The following ATP10B variants were observed in gnomAD, a reference collection of about 807,000 sequenced individuals.
ATP10B encodes the protein phospholipid-transporting ATPase VB.
ATP10B carries 122 observed loss-of-function variants against 141.2 expected under a neutral mutation model. That is an observed-to-expected ratio of 0.86 (90% confidence interval 0.75 to 1.00). ATP10B has a LOEUF of 1.00. Among genes scored for constraint, ATP10B ranks in the 50% least tolerant of loss-of-function variants. The probability of loss-of-function intolerance (pLI) is 0.00; values close to 1 mark genes in which losing one functional copy is unlikely to be tolerated. For missense variants in ATP10B, 1,876 were observed against 1,825.3 expected, an observed-to-expected ratio of 1.03 and a Z score of -0.51; for synonymous variants, 685 against 692.0, an observed-to-expected ratio of 0.99 and a Z score of 0.16.
chr5:160,621,133 G>A (rs527725136), intron 14 of ATP10B, among the ~76,000 whole-genome samples, 183 bp from the exon 15 acceptor site: 10 of 152,296 alleles, frequency 6.6e-5, no homozygotes, highest in Non-Finnish European at 7.4e-5. Flanking sequence ...CACTGTGAGC[G>A]TGGAGAAAGG....
chr5:160,739,409 A>C (rs1208875838), intron 2 of ATP10B, among the ~76,000 whole-genome samples: 4 of 152,254 alleles, frequency 2.6e-5, no homozygotes, highest in African/African-American at 4.8e-5. Flanking sequence ...ATACAACATG[A>C]TAACATATGC....
intron 9 of ATP10B, 64 bp from the exon 10 acceptor site, chr5:160,640,656 C>A (rs1329264236): frequency 6.4e-7 from 1 of 1,566,086 alleles, no homozygotes; most frequent in African/African-American, 1.4e-5. Context: ...ACACCATTCC[C>A]TCAGCTCTTC....
intron 2 of ATP10B, among the ~76,000 whole-genome samples, chr5:160,753,217 C>G (rs942236258): frequency 1.1e-4 from 17 of 152,154 alleles, no homozygotes; most frequent in African/African-American, 4.1e-4. Flanking sequence ...AGTGAGGAAA[C>G]GTCGTTCCTC....
At chr5:160,909,332 C>G in the ATP10B span, among the ~76,000 whole-genome samples, 2 of 152,150 alleles carry the variant, frequency 1.3e-5, no homozygotes, top group African/African-American at 4.8e-5. Context: ...ACAGGACATG[C>G]AGCTGCTGGT....
chr5:160,849,533 T>A (rs1753664893), intron 1 of ATP10B, among the ~76,000 whole-genome samples: 1 of 152,040 alleles, frequency 6.6e-6, no homozygotes, highest in Non-Finnish European at 1.5e-5. Flanking sequence ...TATCCATTAA[T>A]ATTCTTTCTC....
intron 6 of ATP10B, chr5:160,685,043 CA>C (rs1763664920): frequency 1.4e-6 from 1 of 703,396 alleles, no homozygotes; most frequent in Non-Finnish European, 2.6e-6. Context: ...TGTAGCTGCT[CA>C]AAAATGTTTT....
At chr5:160,814,676 A>G (rs1773459528) in intron 1 of ATP10B, among the ~76,000 whole-genome samples, 1 of 152,194 alleles carries the variant, frequency 6.6e-6, no homozygotes, top group African/African-American at 2.4e-5. Context: ...TCCAAGACAC[A>G]TAATTGTCAG....
chr5:160,697,650 T>A (rs575287458), intron 3 of ATP10B, among the ~76,000 whole-genome samples: 102 of 151,828 alleles, frequency 6.7e-4, no homozygotes, highest in Admixed American at 1.3e-3. Flanking sequence ...TGGGGACTAG[T>A]GGAAAAGAGA....
chr5:160,823,936 A>T (rs1004570282), intron 1 of ATP10B, among the ~76,000 whole-genome samples: 1 of 152,224 alleles, frequency 6.6e-6, no homozygotes, highest in Non-Finnish European at 1.5e-5. Flanking sequence ...CCAAAACCCC[A>T]ATAAGTGTTT....
At chr5:160,615,662 TGTGTG>T (rs1166773545) in intron 17 of ATP10B, among the ~76,000 whole-genome samples, 171 bp downstream of exon 17, 1 of 152,008 alleles carries the variant, frequency 6.6e-6, no homozygotes, top group Non-Finnish European at 1.5e-5. Context: ...CAGGAAGCTG[TGTGTG>T]GTGTCTGGGT....
At chr5:160,761,679 G>A (rs184160778) in intron 2 of ATP10B, among the ~76,000 whole-genome samples, 10 of 152,226 alleles carry the variant, frequency 6.6e-5, no homozygotes, top group Admixed American at 2.0e-4. Flanking sequence ...ACAAGTTTCC[G>A]TAACACTCCT....
the ATP10B span, among the ~76,000 whole-genome samples, chr5:160,925,321 T>C: frequency 6.6e-6 from 1 of 152,206 alleles, no homozygotes; most frequent in South Asian, 2.1e-4. Context: ...CTTTTGAAGT[T>C]CATTATGGAC....
intron 1 of ATP10B, among the ~76,000 whole-genome samples, chr5:160,809,331 G>C (rs908390013): frequency 2.6e-5 from 4 of 152,104 alleles, no homozygotes; most frequent in Non-Finnish European, 5.9e-5. Context: ...GATGGTTTTT[G>C]TTATCATTTT....
At chr5:160,904,252 A>G in the ATP10B span, among the ~76,000 whole-genome samples, 1 of 152,140 alleles carries the variant, frequency 6.6e-6, no homozygotes, top group Non-Finnish European at 1.5e-5. Flanking sequence ...TCAGAGTCAG[A>G]CTGCCAGGGT....
chr5:160,747,317 G>A lies in ATP10B; in HGVS notation c.-330-30283C>T, dbSNP rs1335532610. The stretch of plus-strand genomic sequence containing the variant: ...TTCAAGCTTCCCAGGGCCTTCTACA[G>A]TGATGTACTGAATTAACCAGATAGC... On this transcript the variant is annotated intron_variant, in intron 2 of 25. Transcript: ENST00000327245. Among the ~76,000 whole-genome samples, 5 of 152,180 alleles carry A rather than the reference G, an allele frequency of 3.3e-5. No homozygotes were observed. In the East Asian group the frequency reaches 9.6e-4, roughly 29 times the overall value.
chr5:160,901,901 T>C, the ATP10B span, among the ~76,000 whole-genome samples: 1 of 152,250 alleles, frequency 6.6e-6, no homozygotes, highest in East Asian at 1.9e-4. Context: ...TTACTTAACC[T>C]CCCTAGTGAC....
intron 24 of ATP10B, among the ~76,000 whole-genome samples, chr5:160,585,376 G>A (rs1005250901): frequency 3.3e-5 from 5 of 152,140 alleles, no homozygotes; most frequent in Non-Finnish European, 7.3e-5. Context: ...AGGCTGAGAC[G>A]GGCGGATCAC....
chr5:160,886,595 A>T, the ATP10B span, among the ~76,000 whole-genome samples: 85 of 152,324 alleles, frequency 5.6e-4, no homozygotes, highest in South Asian at 0.017. Flanking sequence ...TGGAGTGATG[A>T]CACTATCAAG....
At chr5:160,816,166 G>A (rs1319434569) in intron 1 of ATP10B, among the ~76,000 whole-genome samples, 2 of 142,454 alleles carry the variant, frequency 1.4e-5, no homozygotes, top group African/African-American at 4.9e-5. Context: ...TAAGATCAGA[G>A]CAGAACTGAA....
Sources: allele counts gnomAD v4.1 joint callset (sites outside exome capture counted in the v4.1 genomes callset), GRCh38; gene constraint gnomAD v4.1.1; transcripts MANE v1.5; gene names NCBI Gene and HGNC (gene_info 2026-07-23, HGNC 2026-07-21).